The following ABCA13 variants were observed in gnomAD, a reference collection of about 807,000 sequenced individuals.
The protein encoded by ABCA13 is ATP-binding cassette sub-family A member 13.
ABCA13 carries 476 observed loss-of-function variants against 478.7 expected under a neutral mutation model. The ratio of observed to expected loss-of-function variants is 0.99; its 90% CI spans 0.92 to 1.07. The LOEUF is 1.07. ABCA13 is among the 50% of genes least tolerant of loss of function. The pLI is 0.00. For missense variants in ABCA13, 6,060 were observed against 5,910.6 expected, an observed-to-expected ratio of 1.03 and a Z score of -0.83; for synonymous variants, 2,252 against 2,158.9, an observed-to-expected ratio of 1.04 and a Z score of -1.20.
chr7:48,216,817 T>C lies in ABCA13; in HGVS notation c.288-2537T>C, dbSNP rs78662043. Among the ~76,000 whole-genome samples, 471 of 152,334 alleles carry C rather than the reference T, an allele frequency of 3.1e-3. 14 individuals are homozygous for C. In the East Asian group the frequency reaches 0.084, roughly 27 times the overall value. Reference sequence around the variant, plus strand: ...TTTGCATGTGGATATGCAGTTGTCCTAAAGGGTTACCTTCTATCTATAGAT... The same window carrying C: ...TTTGCATGTGGATATGCAGTTGTCCCAAAGGGTTACCTTCTATCTATAGAT... On this transcript the variant is annotated intron_variant, in intron 3 of 61. Coordinates refer to ENST00000435803, the MANE Select transcript of ABCA13 (RefSeq NM_152701.5).
chr7:48,383,146 G>A (rs1292872406), intron 35 of ABCA13, among the ~76,000 whole-genome samples: 3 of 152,162 alleles, frequency 2.0e-5, no homozygotes. Context: ...CTGCAGGAAG[G>A]TGTCATTTCC....
At chr7:48,306,030 C>A (rs1447767340) in intron 23 of ABCA13, among the ~76,000 whole-genome samples, 5 of 152,208 alleles carry the variant, frequency 3.3e-5, no homozygotes, top group Non-Finnish European at 7.3e-5. Context: ...GTTGTCTTTG[C>A]TTTTCTAATC....
chr7:48,562,744 T>A (rs564501989), intron 55 of ABCA13, among the ~76,000 whole-genome samples: 1 of 152,250 alleles, frequency 6.6e-6, no homozygotes, highest in East Asian at 1.9e-4. Flanking sequence ...TGTTACATGT[T>A]CAAAGGTACA....
intron 39 of ABCA13, chr7:48,404,265 A>G (rs1416302876): frequency 3.9e-6 from 1 of 256,840 alleles, no homozygotes; most frequent in Non-Finnish European, 7.9e-6. Context: ...CATGTGATTT[A>G]CTTGTAGCTA....
In ABCA13 at chr7:48,379,945, C is replaced by A. The variant is rs147194200; in HGVS notation, c.11335+3373C>A. The stretch of plus-strand genomic sequence containing the variant: ...CAATTCTATCTCATTTCAGTTTCTC[C>A]ATTCAGCCTCCAGTCTTTAAAGACG... On this transcript the variant is annotated intron_variant, in intron 35 of 61. Transcript: ENST00000435803. Among the ~76,000 whole-genome samples the A allele has an allele frequency of 7.8e-3, 1,188 of 152,244 alleles. 5 individuals carry two copies. The highest frequency in any genetic ancestry group is 0.017 in the Middle Eastern group (5 of 294).
intron 17 of ABCA13, 132 bp downstream of exon 17, chr7:48,276,697 G>A: frequency 2.8e-6 from 2 of 715,448 alleles, no homozygotes; most frequent in Non-Finnish European, 4.3e-6. Flanking sequence ...ATGTAAATTT[G>A]TCTTAATAAA....
intron 42 of ABCA13, among the ~76,000 whole-genome samples, chr7:48,446,961 A>T (rs1368216315): frequency 1.4e-5 from 2 of 145,608 alleles, no homozygotes; most frequent in Admixed American, 6.6e-5. Context: ...TGCTGGTGGC[A>T]GGTGCCAGAA....
chr7:48,593,727 AT>A (rs35705013), intron 57 of ABCA13, among the ~76,000 whole-genome samples: 79 of 138,648 alleles, frequency 5.7e-4, no homozygotes, highest in South Asian at 1.6e-3. Context: ...GTTTGGGAGC[AT>A]TTTTTTTTTT....
chr7:48,262,710 G>T (rs1051534275), intron 15 of ABCA13, among the ~76,000 whole-genome samples: 1 of 151,862 alleles, frequency 6.6e-6, no homozygotes, highest in Non-Finnish European at 1.5e-5. Flanking sequence ...CCAAGCTGGT[G>T]GGAATTATAC....
intron 1 of ABCA13, among the ~76,000 whole-genome samples, chr7:48,189,716 G>C (rs181555191): frequency 5.9e-5 from 9 of 152,122 alleles, no homozygotes; most frequent in African/African-American, 1.9e-4. Context: ...GCTTTGGCAG[G>C]GTCCTTTAAA....
At chr7:48,478,627 G>C (rs1343953178) in intron 45 of ABCA13, among the ~76,000 whole-genome samples, 1 of 152,064 alleles carries the variant, frequency 6.6e-6, no homozygotes, top group African/African-American at 2.4e-5. Context: ...TCTGTACTGG[G>C]ACAATAAAAG....
At chr7:48,634,470 A>G (rs1586053009) in intron 59 of ABCA13, among the ~76,000 whole-genome samples, 1 of 152,176 alleles carries the variant, frequency 6.6e-6, no homozygotes, top group South Asian at 2.1e-4. Flanking sequence ...CATTTCTGAT[A>G]CTAGTAATTT....
At chr7:48,359,561 A>G (rs1358745971) in intron 31 of ABCA13, among the ~76,000 whole-genome samples, 9 of 151,908 alleles carry the variant, frequency 5.9e-5, no homozygotes, top group Non-Finnish European at 1.3e-4. Flanking sequence ...AGTTGCCCCC[A>G]GCTATGTCCT....
intron 58 of ABCA13, among the ~76,000 whole-genome samples, chr7:48,603,502 G>C (rs911453677): frequency 6.6e-6 from 1 of 151,958 alleles, no homozygotes; most frequent in African/African-American, 2.4e-5. Context: ...GGTTTTCGTC[G>C]TTGATTCTGT....
intron 57 of ABCA13, among the ~76,000 whole-genome samples, chr7:48,592,788 C>CT (rs1280854080): frequency 1.3e-5 from 2 of 151,914 alleles, no homozygotes; most frequent in African/African-American, 4.8e-5. Context: ...TACAATTACT[C>CT]TTTTATCATT....
intron 55 of ABCA13, among the ~76,000 whole-genome samples, chr7:48,552,571 C>T (rs563525438): frequency 6.8e-6 from 1 of 146,182 alleles, no homozygotes; most frequent in Non-Finnish European, 1.5e-5. Context: ...ATTGTAGGAG[C>T]ATTGTTCCTC....
At chr7:48,644,881 A>G in intron 61 of ABCA13, 127 bp downstream of exon 61, 3 of 1,072,928 alleles carry the variant, frequency 2.8e-6, no homozygotes, top group Non-Finnish European at 3.9e-6. Flanking sequence ...GTTAAATTTT[A>G]TAAAATTATG....
intron 42 of ABCA13, among the ~76,000 whole-genome samples, chr7:48,428,865 G>A (rs1053418763): frequency 1.3e-5 from 2 of 152,154 alleles, no homozygotes; most frequent in Non-Finnish European, 2.9e-5. Context: ...CTTCTTCAGA[G>A]TTCTGCATTC....
At chr7:48,180,506 C>T (rs554971421) in intron 1 of ABCA13, among the ~76,000 whole-genome samples, 5 of 152,118 alleles carry the variant, frequency 3.3e-5, no homozygotes, top group Non-Finnish European at 7.4e-5. Context: ...CTGCAGCCTC[C>T]GCCTCCTGGG....
Sources: allele counts gnomAD v4.1 joint callset (sites outside exome capture counted in the v4.1 genomes callset), GRCh38; gene constraint gnomAD v4.1.1; transcripts MANE v1.5; gene names NCBI Gene and HGNC (gene_info 2026-07-23, HGNC 2026-07-21).